Variants in FNIP1 observed in about 807,000 individuals in gnomAD.
FNIP1 encodes the protein folliculin-interacting protein 1.
In FNIP1, 40 loss-of-function variants were observed where a neutral mutation model predicts 124.5. The observed-to-expected ratio is 0.32, with a 90% CI of 0.25 to 0.42. The LOEUF is 0.42. Ranked by LOEUF, FNIP1 falls within the 10% of genes least tolerant of loss-of-function variation. The probability of loss-of-function intolerance (pLI) is 1.00; values close to 1 mark genes in which losing one functional copy is unlikely to be tolerated. For missense variants in FNIP1, 1,176 were observed against 1,403.7 expected (o/e 0.84, Z 2.59); for synonymous variants, 472 against 470.6 (o/e 1.00, Z -0.04).
chr5:131,766,439 T>C (rs779283718), intron 1 of FNIP1, among the ~76,000 whole-genome samples: 1 of 152,166 alleles, frequency 6.6e-6, no homozygotes, highest in Non-Finnish European at 1.5e-5. Flanking sequence ...ACAATTCAGT[T>C]GAATGCTGGT....
chr5:131,645,115 T>G (rs1326174348), intron 17 of FNIP1, among the ~76,000 whole-genome samples: 2 of 151,430 alleles, frequency 1.3e-5, no homozygotes, highest in Non-Finnish European at 2.9e-5. Flanking sequence ...AGCCCAGGAG[T>G]TGAAGACCAA....
intron 10 of FNIP1, among the ~76,000 whole-genome samples, chr5:131,700,692 C>G (rs1768869421): frequency 6.6e-6 from 1 of 151,180 alleles, no homozygotes; most frequent in African/African-American, 2.4e-5. Flanking sequence ...TAGAAGACTT[C>G]AAAATAATTG....
intron 1 of FNIP1, among the ~76,000 whole-genome samples, chr5:131,778,403 C>T (rs938336805): frequency 7.2e-5 from 11 of 151,844 alleles, no homozygotes; most frequent in African/African-American, 1.2e-4. Flanking sequence ...AAATGCTCAT[C>T]ATCACTGGCC....
intron 16 of FNIP1, 95 bp downstream of exon 16, chr5:131,651,707 A>T: frequency 1.7e-6 from 2 of 1,176,178 alleles, no homozygotes; most frequent in East Asian, 5.1e-5. Flanking sequence ...TAATGACACA[A>T]ACATTCAGTC....
chr5:131,743,603 G>A (rs1321133979), intron 2 of FNIP1, among the ~76,000 whole-genome samples: 3 of 152,120 alleles, frequency 2.0e-5, no homozygotes, highest in African/African-American at 7.2e-5. Flanking sequence ...TTTATATGTC[G>A]TCCTAACCCA....
intron 1 of FNIP1, among the ~76,000 whole-genome samples, chr5:131,775,363 T>C (rs531704577): frequency 6.6e-6 from 1 of 152,162 alleles, no homozygotes; most frequent in African/African-American, 2.4e-5. Flanking sequence ...CATTTATCAG[T>C]ATATATTTAC....
chr5:131,670,268 G>T (rs1262922156), intron 15 of FNIP1, among the ~76,000 whole-genome samples, 195 bp downstream of exon 15: 1 of 152,166 alleles, frequency 6.6e-6, no homozygotes, highest in Non-Finnish European at 1.5e-5. Flanking sequence ...AGATATCCAT[G>T]TGGATAGATT....
intron 11 of FNIP1, among the ~76,000 whole-genome samples, chr5:131,693,346 A>ATG (rs1313240345): frequency 7.6e-6 from 1 of 131,826 alleles, no homozygotes; most frequent in Non-Finnish European, 1.6e-5. Context: ...ATATATATAT[A>ATG]TATATATATA....
intron 1 of FNIP1, among the ~76,000 whole-genome samples, chr5:131,746,038 T>C (rs541332101): frequency 6.6e-6 from 1 of 152,216 alleles, no homozygotes; most frequent in Non-Finnish European, 1.5e-5. Flanking sequence ...CTTTACAGTA[T>C]GTATTTAAAC....
chr5:131,675,348 C>G (rs572962992), intron 13 of FNIP1, among the ~76,000 whole-genome samples: 2 of 152,308 alleles, frequency 1.3e-5, no homozygotes, highest in African/African-American at 4.8e-5. Flanking sequence ...TACCTACAGT[C>G]TTAGACTGTC....
chr5:131,665,552 TTAAG>T (rs1168125706), intron 15 of FNIP1, among the ~76,000 whole-genome samples: 2 of 150,952 alleles, frequency 1.3e-5, no homozygotes, highest in Non-Finnish European at 3.0e-5. Context: ...ATGATAAACT[TTAAG>T]TATGCAAGGA....
At chr5:131,777,053 G>C (rs536632036) in intron 1 of FNIP1, among the ~76,000 whole-genome samples, 1 of 152,134 alleles carries the variant, frequency 6.6e-6, no homozygotes, top group South Asian at 2.1e-4. Context: ...GCAACATAGC[G>C]AGACTCTGTA....
intron 8 of FNIP1, among the ~76,000 whole-genome samples, chr5:131,707,578 A>G (rs1284970166): frequency 2.0e-5 from 3 of 152,178 alleles, no homozygotes; most frequent in Non-Finnish European, 4.4e-5. Flanking sequence ...AACTCATTCT[A>G]AATTACTTTA....
At chr5:131,693,260 TA>T (rs1242271274) in intron 11 of FNIP1, among the ~76,000 whole-genome samples, 1,569 of 78,590 alleles carry the variant, frequency 0.02, 18 homozygotes, top group African/African-American at 0.06. Flanking sequence ...ACCTGTCAAC[TA>T]AAAAAAAAAA....
In FNIP1 at chr5:131,795,470, T is replaced by C. The variant is rs1772552532; in HGVS notation, c.92+1360A>G. 5 of 152,256 alleles carry C rather than the reference T, an allele frequency of 3.3e-5. 1 individual carries two copies. The highest frequency in any genetic ancestry group is 3.3e-4 in the Admixed American group (5 of 15,290). The allele number at this position is 152,256 out of a possible 1,614,324, so 9.4% of individuals were successfully genotyped here. A position where few individuals can be genotyped will look rare whatever the true frequency, so the allele number is the denominator to read the frequency against. On this transcript the variant is annotated intron_variant, in intron 1 of 17. Transcript: ENST00000510461. ...AATAGAAAGCAGTTGTCTATTCAAA[T>C]GCCACCTTTTAAATATCCTATCGGA... is the stretch of plus-strand genomic sequence containing the variant.
At chr5:131,766,085 A>C (rs1260267383) in intron 1 of FNIP1, among the ~76,000 whole-genome samples, 2 of 151,068 alleles carry the variant, frequency 1.3e-5, no homozygotes, top group African/African-American at 4.9e-5. Context: ...CCTTTCCTCT[A>C]TTCTATAGTG....
At chr5:131,735,476 C>T (rs899256285) in intron 2 of FNIP1, among the ~76,000 whole-genome samples, 10 of 21,164 alleles carry the variant, frequency 4.7e-4, no homozygotes, top group East Asian at 1.5e-3. Flanking sequence ...TACACACATA[C>T]GTATATATGT....
rs1472997300 is a variant in FNIP1, at chr5:131,691,875, A to C, written c.1202+7042T>G. Among the ~76,000 whole-genome samples, 3 of 152,184 alleles carry C rather than the reference A, an allele frequency of 2.0e-5. No individual in the cohort carries two copies. In the East Asian group the frequency reaches 5.8e-4, roughly 29 times the overall value. ...AAGGGGAACTACCTCAACTTGAAAG[A>C]ATATCTACAAGAAACCTACAGCTAA... On this transcript the variant is annotated intron_variant, in intron 11 of 17. Coordinates refer to ENST00000510461, the MANE Select transcript of FNIP1 (RefSeq NM_133372.3).
intron 1 of FNIP1, among the ~76,000 whole-genome samples, chr5:131,794,359 T>C (rs996583983): frequency 6.6e-6 from 1 of 151,938 alleles, no homozygotes; most frequent in East Asian, 1.9e-4. Context: ...CCTTCATGCA[T>C]TGCTACTGAG....
Sources: allele counts gnomAD v4.1 joint callset (sites outside exome capture counted in the v4.1 genomes callset), GRCh38; gene constraint gnomAD v4.1.1; transcripts MANE v1.5; gene names NCBI Gene and HGNC (gene_info 2026-07-23, HGNC 2026-07-21).